CDK14: variants seen among roughly 807,000 people sequenced by gnomAD.
The protein encoded by CDK14 is cyclin-dependent kinase 14.
In CDK14, 34 loss-of-function variants were observed where a neutral mutation model predicts 60.7. The ratio of observed to expected loss-of-function variants is 0.56; its 90% confidence interval spans 0.43 to 0.75. CDK14 has a LOEUF of 0.75. Among genes scored for constraint, CDK14 ranks in the 30% least tolerant of loss-of-function variants. The probability of loss-of-function intolerance (pLI) is 0.00; values close to 1 mark genes in which losing one functional copy is unlikely to be tolerated. For missense variants in CDK14, 482 were observed against 564.1 expected, an observed-to-expected ratio of 0.85 and a Z score of 1.47; for synonymous variants, 197 against 203.7, an observed-to-expected ratio of 0.97 and a Z score of 0.28.
At chr7:90,904,086 G>A (rs1234418811) in intron 7 of CDK14, among the ~76,000 whole-genome samples, 3 of 152,134 alleles carry the variant, frequency 2.0e-5, no homozygotes, top group Admixed American at 6.5e-5. Flanking sequence ...GCCAGCAGGG[G>A]AGTGGGTGGT....
chr7:90,877,884 G>A (rs1042207814), intron 6 of CDK14, among the ~76,000 whole-genome samples: 4 of 152,098 alleles, frequency 2.6e-5, no homozygotes, highest in Non-Finnish European at 4.4e-5. Context: ...AGGGTTCAAA[G>A]GGCAACATGA....
intron 13 of CDK14, among the ~76,000 whole-genome samples, chr7:91,113,095 A>G (rs3808311): frequency 0.011 from 1,673 of 152,342 alleles, 32 homozygotes; most frequent in East Asian, 0.073. Flanking sequence ...TTAGTGCTTT[A>G]TGCATACAGT....
intron 2 of CDK14, among the ~76,000 whole-genome samples, chr7:90,634,928 C>G (rs1333409984): frequency 6.6e-6 from 1 of 152,108 alleles, no homozygotes. Context: ...GCATAAATGT[C>G]TTCTTTTGAG....
At position 90,863,207 on chromosome 7, in the gene CDK14, A is replaced by G. The variant is rs146138173; in HGVS notation, c.577A>G (p.Ile193Val). Residue 193 changes from isoleucine to valine, a missense_variant, in exon 6 of 15, where the codon ATA becomes GTA. By Grantham distance (29) the Ile-to-Val change is conservative. Coordinates refer to ENST00000380050, the MANE Select transcript of CDK14 (RefSeq NM_001287135.2). Reference protein sequence around the residue: ...SLLKGLKHANIVLLHDIIHTK... With the variant: ...SLLKGLKHANVVLLHDIIHTK... The stretch of plus-strand genomic sequence containing the variant: ...TTTAAAAGGACTAAAACATGCTAAC[A>G]TAGTGCTACTTCATGACATCATCCA... The G allele has an allele frequency of 1.4e-5, 23 of 1,609,464 alleles. No individual in the cohort carries two copies. The African/African-American group carries it at 2.9e-4, about 21-fold the overall frequency.
At chr7:90,991,412 G>A (rs1276097107) in intron 10 of CDK14, among the ~76,000 whole-genome samples, 1 of 152,106 alleles carries the variant, frequency 6.6e-6, no homozygotes, top group Non-Finnish European at 1.5e-5. Flanking sequence ...ATGTTTTGGG[G>A]GATTGGAGGG....
chr7:91,074,798 G>A (rs1376096765), intron 11 of CDK14, among the ~76,000 whole-genome samples: 2 of 151,998 alleles, frequency 1.3e-5, no homozygotes, highest in African/African-American at 4.8e-5. Context: ...AATAACAAAT[G>A]ATAAATGGGA....
At chr7:90,964,459 G>A (rs1003105932) in intron 9 of CDK14, among the ~76,000 whole-genome samples, 5 of 152,110 alleles carry the variant, frequency 3.3e-5, no homozygotes, top group African/African-American at 4.8e-5. Flanking sequence ...TTCAGTTTCC[G>A]AACCAGAAAA....
At chr7:90,946,287 G>A (rs1794096310) in intron 8 of CDK14, among the ~76,000 whole-genome samples, 1 of 152,148 alleles carries the variant, frequency 6.6e-6, no homozygotes, top group Admixed American at 6.6e-5. Flanking sequence ...ATTCAAAGTT[G>A]TGACATTTAT....
chr7:90,828,520 AT>A lies in CDK14; in HGVS notation c.545-34647del, dbSNP rs3840663. ...TCATTGAATTCTCTATTTGTTTAATATTTTTTTTCCCTATTGGTTAGGTCAC... is the reference window on the plus strand; with the variant it reads ...TCATTGAATTCTCTATTTGTTTAATATTTTTTTCCCTATTGGTTAGGTCAC... On this transcript the variant is annotated intron_variant, in intron 5 of 14. Coordinates refer to ENST00000380050, the MANE Select transcript of CDK14 (RefSeq NM_001287135.2). Among the ~76,000 whole-genome samples the A allele has an allele frequency of 1.3e-4, 19 of 151,852 alleles. No homozygotes were observed. In the East Asian group the frequency reaches 3.3e-3, roughly 26 times the overall value.
rs147451539 is a variant in CDK14 at position 90,915,768 on chromosome 7, C to T, written c.703-1833C>T. On this transcript the variant is annotated intron_variant, in intron 7 of 14. Transcript: ENST00000380050. ...TAATTGCTGTGTGATCTTGAGAAAC[C>T]GCACTCAGTTTCCTCATTACTAATA... Among the ~76,000 whole-genome samples the T allele has an allele frequency of 3.1e-3, 477 of 152,280 alleles. 4 individuals are homozygous for T. The highest frequency in any genetic ancestry group is 0.011 in the African/African-American group (449 of 41,540).
intron 7 of CDK14, among the ~76,000 whole-genome samples, chr7:90,900,980 A>G (rs913596317): frequency 1.3e-5 from 2 of 152,112 alleles, no homozygotes; most frequent in Non-Finnish European, 2.9e-5. Flanking sequence ...ATTTTGTCCC[A>G]TTTTTACTAT....
intron 12 of CDK14, among the ~76,000 whole-genome samples, chr7:91,085,700 C>T (rs541113103): frequency 3.3e-5 from 5 of 152,132 alleles, no homozygotes; most frequent in Non-Finnish European, 7.3e-5. Flanking sequence ...GGTCAGACAC[C>T]GTCTATTTTG....
rs1792430255 is a variant in CDK14 at position 90,899,350 on chromosome 7, G to A, written c.699G>A (p.Val233=). ...CTGGGGGGCTGCATCCAGATAATGT[G>A]AAGGTAGGAAAAGATCTTTTTAAGC... ...KHPGGLHPDN[V]KLFLFQLLRG... is the part of the protein sequence containing the mutation. The change falls in exon 7 of 15, where the codon GTG becomes GTA. Residue 233 remains valine (V), a synonymous_variant. Transcript: ENST00000380050. 6.3e-7 allele frequency: 1 copy of A among 1,595,568 alleles called. No individual in the cohort carries two copies. Among genetic ancestry groups the A allele is most frequent in the South Asian group, 1.1e-5 (1 of 87,318 alleles).
At chr7:91,118,040 T>A (rs1446436109) in intron 13 of CDK14, 25 bp from the exon 14 acceptor site, 1 of 1,343,128 alleles carries the variant, frequency 7.4e-7, no homozygotes, top group African/African-American at 1.5e-5. Flanking sequence ...ACTATATAAA[T>A]GAAAACTTCA....
chr7:90,979,129 T>G (rs1795157282), intron 9 of CDK14, among the ~76,000 whole-genome samples: 1 of 152,166 alleles, frequency 6.6e-6, no homozygotes, highest in African/African-American at 2.4e-5. Context: ...ATGAGTGTGG[T>G]TGTTTTTCAT....
chr7:91,078,674 A>G (rs1337045319), intron 11 of CDK14, among the ~76,000 whole-genome samples: 1 of 152,228 alleles, frequency 6.6e-6, no homozygotes, highest in Non-Finnish European at 1.5e-5. Context: ...AAGTGCCAAT[A>G]GAGTTTCAAG....
chr7:90,649,280 CTTT>C (rs1800541644), intron 2 of CDK14, among the ~76,000 whole-genome samples: 5 of 56,350 alleles, frequency 8.9e-5, no homozygotes, highest in African/African-American at 2.6e-4. Context: ...TTCTTTCTTT[CTTT>C]CTTTCTTTCT....
chr7:90,923,581 G>T lies in CDK14; in HGVS notation c.826+5857G>T, dbSNP rs150084551. ...AGATAGGGTTTGATTGCTAAGAATG[G>T]CAGCTTCAAACTCTATGGAAATGAG... On this transcript the variant is annotated intron_variant, in intron 8 of 14. Transcript: ENST00000380050. 2.7e-3 allele frequency among the ~76,000 whole-genome samples: 412 copies of T among 152,222 alleles called. 6 individuals carry two copies. The highest frequency in any genetic ancestry group is 9.6e-3 in the African/African-American group (398 of 41,560).
intron 14 of CDK14, among the ~76,000 whole-genome samples, chr7:91,134,658 G>C (rs762549644): frequency 2.0e-5 from 3 of 152,118 alleles, no homozygotes; most frequent in Non-Finnish European, 4.4e-5. Context: ...TGGATCAGTT[G>C]AGGTCAGGAG....
Sources: gnomAD v4.1 joint callset for allele counts (sites outside exome capture counted in the v4.1 genomes callset) on GRCh38, gnomAD v4.1.1 for gene constraint, MANE v1.5 for transcripts, NCBI Gene and HGNC (gene_info 2026-07-23, HGNC 2026-07-21) for gene names.